The following CACNG6 variants were observed in gnomAD, a reference collection of about 807,000 sequenced individuals.
CACNG6 encodes the protein voltage-dependent calcium channel gamma-6 subunit.
In CACNG6, 21 loss-of-function variants were observed where a neutral mutation model predicts 23.9. The ratio of observed to expected loss-of-function variants is 0.88; its 90% confidence interval spans 0.62 to 1.26. The LOEUF is 1.26. Among genes scored for constraint, CACNG6 ranks in the 50% most tolerant of loss-of-function variants. The pLI, the probability that CACNG6 is intolerant of heterozygous loss-of-function variation, is 0.00. For missense variants in CACNG6, 340 were observed against 352.9 expected, an observed-to-expected ratio of 0.96 and a Z score of 0.29; for synonymous variants, 182 against 168.9, an observed-to-expected ratio of 1.08 and a Z score of -0.60.
rs1174799698 is a variant in CACNG6 at position 54,002,275 on chromosome 19, G to GTTTTTT, written c.544+2507_544+2512dup. Among the ~76,000 whole-genome samples, 194 of 116,388 alleles carry GTTTTTT rather than the reference G, an allele frequency of 1.7e-3. 1 individual carries two copies. The highest frequency in any genetic ancestry group is 7.7e-3 in the African/African-American group (167 of 21,550). The allele number at this position is 116,388 out of a possible 152,430, so 76.4% of individuals were successfully genotyped here. A position where few individuals can be genotyped will look rare whatever the true frequency, so the allele number is the denominator to read the frequency against. ...AGCCCGGCTAATTTTCGGTTTTTTT[G>GTTTTTT]TTTTTTTTGTTTTTTTTTTTTTTGT... On this transcript the variant is annotated intron_variant, in intron 3 of 3. Transcript: ENST00000252729.
intron 2 of CACNG6, among the ~76,000 whole-genome samples, chr19:53,999,158 A>G (rs959801731): frequency 3.3e-5 from 5 of 152,088 alleles, no homozygotes; most frequent in African/African-American, 7.2e-5. Flanking sequence ...GAGCCACCGC[A>G]CCTGGTCCAC....
intron 1 of CACNG6, among the ~76,000 whole-genome samples, chr19:53,995,927 G>T (rs759523017): frequency 2.6e-5 from 4 of 152,216 alleles, no homozygotes; most frequent in Non-Finnish European, 5.9e-5. Flanking sequence ...CTCCCAAAGT[G>T]CTGGGATGAC....
intron 3 of CACNG6, among the ~76,000 whole-genome samples, chr19:54,011,649 G>A (rs182449266): frequency 5.9e-4 from 90 of 151,672 alleles, no homozygotes; most frequent in Middle Eastern, 3.4e-3. Context: ...AACGATTTGC[G>A]TCTTCCCCAG....
At chr19:53,994,433 C>G (rs78103898) in intron 1 of CACNG6, among the ~76,000 whole-genome samples, 2 of 152,132 alleles carry the variant, frequency 1.3e-5, no homozygotes, top group African/African-American at 4.8e-5. Flanking sequence ...GAGAGCTGTT[C>G]CATACCTCCC....
At chr19:53,995,059 G>A (rs1468460760) in intron 1 of CACNG6, among the ~76,000 whole-genome samples, 3 of 152,076 alleles carry the variant, frequency 2.0e-5, no homozygotes, top group Admixed American at 1.3e-4. Flanking sequence ...AGAAAAATGA[G>A]GGGGCGAGAA....
chr19:53,991,864 C>T lies in CACNG6; in HGVS notation c.-1014C>T, dbSNP rs76447858. The stretch of plus-strand genomic sequence containing the variant: ...CTGATCCCGAAGGGGCGCAGCGTCT[C>T]TTGCGGGTCGCGGTTGGCCTTTGAA... On this transcript the variant is annotated 5_prime_UTR_variant, in exon 1 of 4. Transcript: ENST00000252729. 3.9e-3 allele frequency among the ~76,000 whole-genome samples: 597 copies of T among 152,282 alleles called. 6 individuals are homozygous for T. The highest frequency in any genetic ancestry group is 0.014 in the African/African-American group (580 of 41,548).
At chr19:54,005,123 C>T (rs1833860526) in intron 3 of CACNG6, among the ~76,000 whole-genome samples, 2 of 151,542 alleles carry the variant, frequency 1.3e-5, no homozygotes, top group African/African-American at 2.4e-5. Flanking sequence ...GCGGGAGAAT[C>T]GCTTGAACCC....
intron 3 of CACNG6, among the ~76,000 whole-genome samples, chr19:54,003,385 C>G (rs1366372260): frequency 3.3e-5 from 5 of 152,128 alleles, no homozygotes; most frequent in African/African-American, 1.2e-4. Context: ...ATTTTTGAGA[C>G]AGTTTTGCTC....
intron 3 of CACNG6, among the ~76,000 whole-genome samples, chr19:54,007,848 T>C (rs1383121363): frequency 1.3e-5 from 2 of 150,890 alleles, no homozygotes; most frequent in Non-Finnish European, 3.0e-5. Context: ...TGCAGTGAGC[T>C]ATGATCGCGC....
chr19:54,008,905 A>T (rs2069675003), intron 3 of CACNG6, among the ~76,000 whole-genome samples: 1 of 152,190 alleles, frequency 6.6e-6, no homozygotes, highest in Admixed American at 6.5e-5. Context: ...GATGGCCAGG[A>T]GATGTGCTTT....
chr19:54,009,783 T>TAA lies in CACNG6; in HGVS notation c.545-2157_545-2156dup, dbSNP rs34786973. On this transcript the variant is annotated intron_variant, in intron 3 of 3. Coordinates refer to ENST00000252729, the MANE Select transcript of CACNG6 (RefSeq NM_145814.2). ...TCTTTTTCTTCTTTTTTGCTTTTTT[T>TAA]AAAAAAAAAAAATCAGCCTGTAATC... 4.3e-3 allele frequency among the ~76,000 whole-genome samples: 641 copies of TAA among 147,510 alleles called. 6 individuals are homozygous for TAA. Among genetic ancestry groups the TAA allele is most frequent in the African/African-American group, 0.014 (583 of 40,258 alleles).
At chr19:54,009,139 A>G (rs2069677142) in intron 3 of CACNG6, among the ~76,000 whole-genome samples, 2 of 151,926 alleles carry the variant, frequency 1.3e-5, no homozygotes, top group Non-Finnish European at 2.9e-5. Context: ...AAATACAAAA[A>G]TTGCCGGGCG....
chr19:53,993,114 C>A lies in CACNG6; in HGVS notation c.237C>A (p.Ala79=), dbSNP rs2069482387. ...ACGGCAGCGCCGTGTGCGAAGCGGC[C>A]CACCTGGGGCTGTGGAAGGCGTGCA... ...KANGSAVCEA[A]HLGLWKACTK... The change falls in exon 1 of 4, where the codon GCC becomes GCA. Residue 79 remains alanine (A), a synonymous_variant. Coordinates refer to ENST00000252729, the MANE Select transcript of CACNG6 (RefSeq NM_145814.2). 6.5e-7 allele frequency: 1 copy of A among 1,547,056 alleles called. No homozygotes were observed. The highest frequency in any genetic ancestry group is 8.7e-7 in the Non-Finnish European group (1 of 1,145,458).
chr19:54,009,160 C>A (rs772080591), intron 3 of CACNG6, among the ~76,000 whole-genome samples: 1 of 151,974 alleles, frequency 6.6e-6, no homozygotes, highest in South Asian at 2.1e-4. Flanking sequence ...CGGTGGCTCA[C>A]GTCTGTAATC....
chr19:53,993,093 C>A lies in CACNG6; in HGVS notation c.216C>A (p.Gly72=). ...WVELNTYKAN[G]SAVCEAAHLG... ...AGCTCAACACCTACAAGGCCAACGG[C>A]AGCGCCGTGTGCGAAGCGGCCCACC... Residue 72 remains glycine (G), a synonymous_variant, in exon 1 of 4, where the codon GGC becomes GGA. Transcript: ENST00000252729. 6.5e-7 allele frequency: 1 copy of A among 1,545,896 alleles called. No individual in the cohort carries two copies.
At chr19:54,005,435 CA>C (rs59213646) in intron 3 of CACNG6, among the ~76,000 whole-genome samples, 5 of 145,854 alleles carry the variant, frequency 3.4e-5, no homozygotes, top group South Asian at 2.1e-4. Flanking sequence ...AACCTGATCT[CA>C]AAAAAAAATA....
intron 1 of CACNG6, among the ~76,000 whole-genome samples, chr19:53,993,508 TCTGTGCCCCCAGGCCATC>T (rs111276157): frequency 0.075 from 11,377 of 151,644 alleles, 518 homozygotes; most frequent in African/African-American, 0.13. Flanking sequence ...CTACAGGGAG[TCTGTGCCCCCAGGCCATC>T]CTGTACCCCC....
intron 3 of CACNG6, among the ~76,000 whole-genome samples, chr19:54,010,075 C>T (rs1204974180): frequency 3.1e-5 from 4 of 127,840 alleles, no homozygotes; most frequent in Admixed American, 8.9e-5. Flanking sequence ...GGCTGGAGTG[C>T]AATGGCGTGA....
intron 3 of CACNG6, among the ~76,000 whole-genome samples, chr19:54,007,127 C>T (rs541923657): frequency 1.2e-4 from 18 of 152,284 alleles, no homozygotes; most frequent in African/African-American, 4.3e-4. Flanking sequence ...CAGCTCACTG[C>T]AGCCTCTGCC....
Sources: allele counts gnomAD v4.1 joint callset (sites outside exome capture counted in the v4.1 genomes callset), GRCh38; gene constraint gnomAD v4.1.1; transcripts MANE v1.5; gene names NCBI Gene and HGNC (gene_info 2026-07-23, HGNC 2026-07-21).